The following SSH2 variants were observed in gnomAD, a reference collection of about 807,000 sequenced individuals.
SSH2 encodes protein phosphatase Slingshot homolog 2.
A neutral mutation model predicts 135.2 loss-of-function variants in SSH2; 37 were observed. That is an observed-to-expected ratio of 0.27 (90% CI 0.21 to 0.36). The LOEUF (loss-of-function observed/expected upper bound fraction) is 0.36, where lower values mean the gene tolerates loss of function less well. SSH2 is among the 10% of genes least tolerant of loss of function. The pLI, the probability that SSH2 is intolerant of heterozygous loss-of-function variation, is 1.00. For synonymous variants in SSH2, 628 were observed against 646.2 expected (o/e 0.97, Z 0.43); for missense variants, 1,408 against 1,765.3 (o/e 0.80, Z 3.63).
At position 29,650,551 on chromosome 17, in the gene SSH2, T is replaced by G. The variant is rs989066076; in HGVS notation, c.1226+103A>C. Reference sequence around the variant, plus strand: ...TCTCCTCCTTTCCTTAGTTCCTTTTTCCTGAGTACCATCAGTAAGTTGTCT... The same window carrying G: ...TCTCCTCCTTTCCTTAGTTCCTTTTGCCTGAGTACCATCAGTAAGTTGTCT... On this transcript the variant is annotated intron_variant, in intron 13 of 15. Coordinates refer to ENST00000540801, the MANE Select transcript of SSH2 (RefSeq NM_001282129.2). The G allele has an allele frequency of 3.2e-5, 37 of 1,139,330 alleles. No homozygotes were observed. In the African/African-American group the frequency reaches 5.6e-4, roughly 17 times the overall value. 70.6% of individuals were successfully genotyped at this position (1,139,330 alleles called of 1,614,324 possible).
chr17:29,724,570 G>A (rs1598881932), intron 3 of SSH2, among the ~76,000 whole-genome samples: 2 of 116,398 alleles, frequency 1.7e-5, no homozygotes, highest in Non-Finnish European at 3.6e-5. Context: ...TAAGGACCCA[G>A]ATTACCAAAT....
chr17:29,671,894 T>C, intron 9 of SSH2, 41 bp downstream of exon 9: 3 of 1,550,722 alleles, frequency 1.9e-6, no homozygotes, highest in Non-Finnish European at 2.7e-6. Context: ...CCTCAGGACA[T>C]AATGGAGAGA....
chr17:29,783,722 G>A (rs1419041719), intron 3 of SSH2, among the ~76,000 whole-genome samples: 1 of 152,036 alleles, frequency 6.6e-6, no homozygotes, highest in East Asian at 1.9e-4. Context: ...CACCTGAAAA[G>A]GCATCTCAAA....
At position 29,647,068 on chromosome 17, in the gene SSH2, A is replaced by T. The variant is rs374187545; in HGVS notation, c.1427+1076T>A. On this transcript the variant is annotated intron_variant, in intron 14 of 15. Transcript: ENST00000540801. ...GGCGAGCGGATCACAAGGTCAGGAG[A>T]TCAAGACCACAGTGAAACCCCATCT... Among the ~76,000 whole-genome samples the T allele has an allele frequency of 2.2e-4, 34 of 151,364 alleles. No homozygotes were observed. The South Asian group carries it at 7.1e-3, about 32-fold the overall frequency.
intron 2 of SSH2, among the ~76,000 whole-genome samples, chr17:29,811,635 C>T (rs2151327369): frequency 6.6e-6 from 1 of 151,762 alleles, no homozygotes; most frequent in East Asian, 1.9e-4. Context: ...CTGTTGCGAT[C>T]ATACCTTACT....
chr17:29,671,757 T>C (rs1431892699), intron 9 of SSH2, among the ~76,000 whole-genome samples, 178 bp downstream of exon 9: 6 of 152,224 alleles, frequency 3.9e-5, no homozygotes, highest in African/African-American at 1.4e-4. Context: ...CTCAGGCCTT[T>C]GCAGGCAACA....
At chr17:29,706,034 G>A (rs1421241795) in intron 3 of SSH2, among the ~76,000 whole-genome samples, 2 of 152,172 alleles carry the variant, frequency 1.3e-5, no homozygotes, top group African/African-American at 2.4e-5. Flanking sequence ...TCTAAGGCAC[G>A]TATTAGCTGC....
chr17:29,636,017 T>G lies in SSH2; in HGVS notation c.2213A>C (p.Asn738Thr). 6.2e-7 allele frequency: 1 copy of G among 1,614,198 alleles called. No homozygotes were observed. The highest frequency in any genetic ancestry group is 8.5e-7 in the Non-Finnish European group (1 of 1,180,036). The change falls in exon 15 of 16, where the codon AAT becomes ACT. Residue 738 changes from asparagine to threonine, a missense_variant. This residue lies in a region of SSH2 where 1,080 missense variants were observed against 1,144.5 expected (regional missense o/e 0.94). Coordinates refer to ENST00000540801, the MANE Select transcript of SSH2 (RefSeq NM_001282129.2). ...ADDQRSSSLS[N>T]TPHASEESSM... ...AGATTCTTCTGATGCATGGGGAGTA[T>G]TACTCAAAGAGCTGCTTCTCTGGTC...
At chr17:29,756,694 G>A (rs905539167) in intron 3 of SSH2, among the ~76,000 whole-genome samples, 2 of 151,788 alleles carry the variant, frequency 1.3e-5, no homozygotes, top group African/African-American at 2.4e-5. Context: ...TCACCCTGTC[G>A]CCCAGGCTGG....
chr17:29,671,810 A>T (rs2037505539), intron 9 of SSH2, 125 bp downstream of exon 9: 3 of 813,860 alleles, frequency 3.7e-6, no homozygotes, highest in Non-Finnish European at 5.9e-6. Context: ...CGTGCTATTC[A>T]CAATGACTAA....
At chr17:29,726,180 TATTCAATCC>T (rs1401846282) in intron 3 of SSH2, among the ~76,000 whole-genome samples, 26 of 152,144 alleles carry the variant, frequency 1.7e-4, no homozygotes, top group Non-Finnish European at 2.2e-4. Flanking sequence ...GAAGGACATC[TATTCAATCC>T]ATTCTGGAGC....
intron 1 of SSH2, among the ~76,000 whole-genome samples, chr17:29,911,436 T>A (rs531650933): frequency 6.6e-6 from 1 of 152,302 alleles, no homozygotes; most frequent in South Asian, 2.1e-4. Context: ...GGGACTTCAC[T>A]GTATCACACT....
chr17:29,909,932 T>C (rs2066734945), intron 1 of SSH2, among the ~76,000 whole-genome samples: 1 of 152,182 alleles, frequency 6.6e-6, no homozygotes, highest in Admixed American at 6.5e-5. Context: ...AGTTTTATTC[T>C]ATCATTGTTG....
At chr17:29,819,862 C>A (rs966144762) in intron 2 of SSH2, among the ~76,000 whole-genome samples, 4 of 152,200 alleles carry the variant, frequency 2.6e-5, no homozygotes, top group Non-Finnish European at 5.9e-5. Context: ...ATCTGATCCT[C>A]AGCCTTTAGA....
Position 29,630,412 on chromosome 17 carries a change from C to G in SSH2, c.*429G>C, listed in dbSNP as rs1005050949. The G allele has an allele frequency of 6.5e-6, 1 of 154,026 alleles. No individual in the cohort carries two copies. Among genetic ancestry groups the G allele is most frequent in the Non-Finnish European group, 1.4e-5 (1 of 69,462 alleles). 9.5% of individuals were successfully genotyped at this position (154,026 alleles called of 1,614,324 possible). A position where few individuals can be genotyped will look rare whatever the true frequency, so the allele number is the denominator to read the frequency against. On this transcript the variant is annotated 3_prime_UTR_variant, in exon 16 of 16. Coordinates refer to ENST00000540801, the MANE Select transcript of SSH2 (RefSeq NM_001282129.2). ...CATTCGATGCCTCAGGTCTGGAAAC[C>G]AAACCATCATCACAAAGGCAGGGGA...
At chr17:29,700,936 C>T (rs193021540) in intron 4 of SSH2, among the ~76,000 whole-genome samples, 4 of 151,868 alleles carry the variant, frequency 2.6e-5, no homozygotes, top group African/African-American at 7.2e-5. Context: ...ACTACAGGCG[C>T]GCACCACCAT....
intron 9 of SSH2, among the ~76,000 whole-genome samples, chr17:29,669,197 C>T (rs1409061268): frequency 1.3e-5 from 2 of 151,620 alleles, no homozygotes; most frequent in Admixed American, 1.3e-4. Context: ...TGCAGTGAGC[C>T]GAGATAGTGC....
Position 29,799,756 on chromosome 17 carries a change from G to A in SSH2, c.145-5819C>T, listed in dbSNP as rs551762700. On this transcript the variant is annotated intron_variant, in intron 2 of 15. Transcript: ENST00000540801. Reference sequence around the variant, plus strand: ...AGCCAAAACCAGTTATGTCTACAGGGGTGAACTACATTTATTGAGTACTAC... The same window carrying A: ...AGCCAAAACCAGTTATGTCTACAGGAGTGAACTACATTTATTGAGTACTAC... 2.0e-4 allele frequency among the ~76,000 whole-genome samples: 30 copies of A among 152,160 alleles called. 1 individual carries two copies. In the South Asian group the frequency reaches 6.0e-3, roughly 31 times the overall value.
intron 14 of SSH2, chr17:29,641,774 G>A (rs979466008): frequency 6.6e-6 from 1 of 151,958 alleles, no homozygotes; most frequent in African/African-American, 2.4e-5. Context: ...ATATTGTTAC[G>A]TGTTTGGTGA....
Sources: allele counts gnomAD v4.1 joint callset (sites outside exome capture counted in the v4.1 genomes callset), GRCh38; gene constraint gnomAD v4.1.1; regional missense constraint gnomAD v4.1.1; transcripts MANE v1.5; gene names NCBI Gene and HGNC (gene_info 2026-07-23, HGNC 2026-07-21).